NDUFA13: variants seen among roughly 807,000 people sequenced by gnomAD.
NDUFA13 encodes the protein NADH dehydrogenase [ubiquinone] 1 alpha subcomplex subunit 13.
In NDUFA13, 16 loss-of-function variants were observed where a neutral mutation model predicts 17.0. That is an observed-to-expected ratio of 0.94 (90% CI 0.64 to 1.43). NDUFA13 has a LOEUF of 1.43. Among genes scored for constraint, NDUFA13 ranks in the 40% most tolerant of loss-of-function variants. The pLI, the probability that NDUFA13 is intolerant of heterozygous loss-of-function variation, is 0.00. For synonymous variants in NDUFA13, 87 were observed against 78.4 expected (o/e 1.11, Z -0.58); for missense variants, 228 against 206.7 (o/e 1.10, Z -0.63).
At position 19,528,033 on chromosome 19, in the gene NDUFA13, C is replaced by G. The variant is rs751445074; in HGVS notation, c.342C>G (p.Thr114=). The G allele has an allele frequency of 6.2e-7, 1 of 1,612,666 alleles. No homozygotes were observed. Among genetic ancestry groups the G allele is most frequent in the South Asian group, 1.1e-5 (1 of 90,994 alleles). ...TGGGGGAGTCTGTGTTCCACACAAC[C>G]CGCTGGGTGCCCCCCTTGATCGGGG... ...WKVGESVFHT[T]RWVPPLIGEL... Residue 114 remains threonine (T), a synonymous_variant, in exon 5 of 5, where the codon ACC becomes ACG. Coordinates refer to ENST00000507754, the MANE Select transcript of NDUFA13 (RefSeq NM_015965.7).
chr19:19,520,351 G>A (rs1303261845), intron 1 of NDUFA13, among the ~76,000 whole-genome samples: 3 of 152,102 alleles, frequency 2.0e-5, no homozygotes, highest in Non-Finnish European at 4.4e-5. Context: ...CAATTTAATG[G>A]CTGTGAGCGG....
At chr19:19,526,090 T>G (rs1326116739) in intron 1 of NDUFA13, 92 bp from the exon 2 acceptor site, 4 of 1,563,544 alleles carry the variant, frequency 2.6e-6, no homozygotes, top group Non-Finnish European at 3.5e-6. Flanking sequence ...AAGCCGCCAG[T>G]GTCCCCTGAT....
rs1386409348 is a variant in NDUFA13, at chr19:19,526,191, T to C, written c.104T>C (p.Met35Thr). ...LPRRGLSGYSMLAIGIGTLIY... is the reference protein window; with the variant it reads ...LPRRGLSGYSTLAIGIGTLIY... Reference sequence around the variant, plus strand: ...GCGCCTCTCTTCACAGGCTACAGCATGCTGGCCATAGGGATTGGAACCCTG... The same window carrying C: ...GCGCCTCTCTTCACAGGCTACAGCACGCTGGCCATAGGGATTGGAACCCTG... Residue 35 changes from methionine to threonine, a missense_variant, in exon 2 of 5, where the codon ATG (methionine) becomes ACG (threonine). Met to Thr is a moderately conservative substitution (Grantham distance 81). Coordinates refer to ENST00000507754, the MANE Select transcript of NDUFA13 (RefSeq NM_015965.7). The C allele has an allele frequency of 6.2e-7, 1 of 1,614,038 alleles. No individual in the cohort carries two copies. The highest frequency in any genetic ancestry group is 1.1e-5 in the South Asian group (1 of 91,090).
In NDUFA13 at chr19:19,528,043, C is replaced by A. The variant is rs755854631; in HGVS notation, c.352C>A (p.Pro118Thr). 1 of 1,612,422 alleles carries A rather than the reference C, an allele frequency of 6.2e-7. No homozygotes were observed. Among genetic ancestry groups the A allele is most frequent in the East Asian group, 2.2e-5 (1 of 44,870 alleles). The stretch of plus-strand genomic sequence containing the variant: ...TGTGTTCCACACAACCCGCTGGGTG[C>A]CCCCCTTGATCGGGGAGCTGTACGG... Reference protein sequence around the residue: ...ESVFHTTRWVPPLIGELYGLR... With the variant: ...ESVFHTTRWVTPLIGELYGLR... The change falls in exon 5 of 5, where the codon CCC (proline) becomes ACC (threonine). Residue 118 changes from proline (P) to threonine (T), a missense_variant. Physicochemically the swap from Pro to Thr is conservative, Grantham distance 38. Transcript: ENST00000507754.
intron 1 of NDUFA13, among the ~76,000 whole-genome samples, chr19:19,522,477 C>CTTTTTTTTTTTT (rs3067694): frequency 0.021 from 2,029 of 94,930 alleles, 264 homozygotes; most frequent in African/African-American, 0.025. Flanking sequence ...GTCTTTGATC[C>CTTTTTTTTTTTT]TTTTTTTTTT....
chr19:19,525,765 G>T (rs1370989481), intron 1 of NDUFA13, among the ~76,000 whole-genome samples: 1 of 152,158 alleles, frequency 6.6e-6, no homozygotes, highest in Non-Finnish European at 1.5e-5. Context: ...TAGAGTCCGG[G>T]GGGTGGCTGG....
chr19:19,518,120 A>AT (rs1026884994), intron 1 of NDUFA13, among the ~76,000 whole-genome samples: 2 of 151,490 alleles, frequency 1.3e-5, no homozygotes, highest in Non-Finnish European at 2.9e-5. Context: ...TCTACCAAAA[A>AT]TTAAAAAAAA....
intron 2 of NDUFA13, among the ~76,000 whole-genome samples, chr19:19,526,953 C>G (rs1007904660): frequency 1.4e-4 from 22 of 152,290 alleles, no homozygotes; most frequent in African/African-American, 5.3e-4. Context: ...CCCAGAGCCC[C>G]GTGATGAAGT....
intron 1 of NDUFA13, among the ~76,000 whole-genome samples, chr19:19,518,868 G>A (rs904615487): frequency 2.7e-5 from 4 of 146,628 alleles, no homozygotes; most frequent in African/African-American, 7.6e-5. Flanking sequence ...TCAGCCTCCC[G>A]AATAGCTAGG....
At chr19:19,518,016 C>T (rs1362354506) in intron 1 of NDUFA13, among the ~76,000 whole-genome samples, 1 of 151,586 alleles carries the variant, frequency 6.6e-6, no homozygotes, top group Non-Finnish European at 1.5e-5. Flanking sequence ...GTGGCTCATG[C>T]CTGTAATCCC....
At position 19,526,325 on chromosome 19, in the gene NDUFA13, T is replaced by C. The variant is rs548788437; in HGVS notation, c.173+65T>C. ...GGCGAGTTGTCGGGGTCCTGTAGCA[T>C]TCCGCTGTTGTCTGTGCTGGCGAGG... On this transcript the variant is annotated intron_variant, in intron 2 of 4. Transcript: ENST00000507754. The C allele has an allele frequency of 4.4e-4, 694 of 1,563,896 alleles. 4 individuals carry two copies. In the African/African-American group the frequency reaches 8.5e-3, roughly 19 times the overall value.
chr19:19,516,792 A>T (rs538891759), intron 1 of NDUFA13, among the ~76,000 whole-genome samples: 12 of 148,104 alleles, frequency 8.1e-5, no homozygotes, highest in Non-Finnish European at 1.5e-4. Flanking sequence ...TAAATTTTCA[A>T]TTTTTTTTTT....
intron 1 of NDUFA13, among the ~76,000 whole-genome samples, chr19:19,522,074 G>T (rs937181773): frequency 6.6e-6 from 1 of 152,074 alleles, no homozygotes; most frequent in African/African-American, 2.4e-5. Context: ...GGGGGCAGAG[G>T]CAGGTGGATC....
Position 19,526,236 on chromosome 19 carries a change from T to C in NDUFA13, c.149T>C (p.Ile50Thr), listed in dbSNP as rs532992624. The C allele has an allele frequency of 6.2e-7, 1 of 1,614,164 alleles. No individual in the cohort carries two copies. Among genetic ancestry groups the C allele is most frequent in the East Asian group, 2.2e-5 (1 of 44,888 alleles). ...IGTLIYGHWSIMKWNRERRRL... is the reference protein window; with the variant it reads ...IGTLIYGHWSTMKWNRERRRL... ...ACCCTGATCTACGGGCACTGGAGCA[T>C]AATGAAGTGGAACCGTGAGCGCAGG... The change falls in exon 2 of 5, where the codon ATA becomes ACA. Residue 50 changes from isoleucine to threonine, a missense_variant. Physicochemically the swap from Ile to Thr is moderately conservative, Grantham distance 89 (BLOSUM62 -1). Coordinates refer to ENST00000507754, the MANE Select transcript of NDUFA13 (RefSeq NM_015965.7).
intron 1 of NDUFA13, among the ~76,000 whole-genome samples, chr19:19,521,464 C>A (rs542279300): frequency 1.3e-5 from 2 of 152,258 alleles, no homozygotes; most frequent in Non-Finnish European, 2.9e-5. Context: ...GCTGTCCTCC[C>A]GCCTCAGCCT....
chr19:19,526,347 G>C, intron 2 of NDUFA13, 87 bp downstream of exon 2: 3 of 1,469,600 alleles, frequency 2.0e-6, no homozygotes, highest in Non-Finnish European at 2.8e-6. Flanking sequence ...CTGTGCTGGC[G>C]AGGGGTGAAC....
chr19:19,523,885 G>T (rs2061089237), intron 1 of NDUFA13, among the ~76,000 whole-genome samples: 1 of 152,140 alleles, frequency 6.6e-6, no homozygotes, highest in African/African-American at 2.4e-5. Flanking sequence ...GGCTGAGATC[G>T]CACCACTGCA....
intron 2 of NDUFA13, 52 bp from the exon 3 acceptor site, chr19:19,527,229 C>G (rs377763801): frequency 1.0e-5 from 16 of 1,584,100 alleles, no homozygotes; most frequent in Non-Finnish European, 1.4e-5. Flanking sequence ...GCTGCCTGTG[C>G]TCCCCCGACC....
At position 19,527,335 on chromosome 19, in the gene NDUFA13, G is replaced by A. The variant is rs942060948; in HGVS notation, c.228G>A (p.Gln76=). The part of the protein sequence containing the change: ...EARIALLPLL[Q]AETDRRTLQM... ...GCATCGCGCTGTTGCCACTGTTACA[G>A]GCAGAAACCGACCGGAGGTAGCACC... The change falls in exon 3 of 5, where the codon CAG becomes CAA. Residue 76 remains glutamine, a synonymous_variant. Coordinates refer to ENST00000507754, the MANE Select transcript of NDUFA13 (RefSeq NM_015965.7). 6 of 1,613,802 alleles carry A rather than the reference G, an allele frequency of 3.7e-6. No individual in the cohort carries two copies. The highest frequency in any genetic ancestry group is 1.1e-5 in the South Asian group (1 of 91,094).
Sources: allele counts gnomAD v4.1 joint callset (sites outside exome capture counted in the v4.1 genomes callset), GRCh38; gene constraint gnomAD v4.1.1; transcripts MANE v1.5; gene names NCBI Gene and HGNC (gene_info 2026-07-23, HGNC 2026-07-21).